Variants in ROBO2 observed in about 807,000 individuals in gnomAD.
ROBO2 encodes roundabout guidance receptor 2.
Under a neutral mutation model 160.8 loss-of-function variants are expected in ROBO2, and 53 were observed. The ratio of observed to expected loss-of-function variants is 0.33; its 90% CI spans 0.26 to 0.41. The LOEUF (loss-of-function observed/expected upper bound fraction) is 0.41. ROBO2 is among the 10% of genes least tolerant of loss of function. The probability of loss-of-function intolerance (pLI) is 1.00; values close to 1 mark genes in which losing one functional copy is unlikely to be tolerated. For synonymous variants in ROBO2, 664 were observed against 611.7 expected (o/e 1.09, Z -1.26); for missense variants, 1,577 against 1,722.4 (o/e 0.92, Z 1.49).
rs572888630 is a variant in ROBO2 at position 77,613,219 on chromosome 3, A to T, written c.3294-4294A>T. ...ATTTCTTCTAATATATTCTCTATGAATTTTTTTTTTTTTTAAATTTCATGT... is the reference window on the plus strand; with the variant it reads ...ATTTCTTCTAATATATTCTCTATGATTTTTTTTTTTTTTTAAATTTCATGT... On this transcript the variant is annotated intron_variant, in intron 21 of 25. Coordinates refer to ENST00000461745, the Ensembl canonical transcript of ROBO2. 3.6e-3 allele frequency among the ~76,000 whole-genome samples: 521 copies of T among 146,048 alleles called. 10 individuals are homozygous for T. Among genetic ancestry groups the T allele is most frequent in the South Asian group, 6.5e-4 (3 of 4,620 alleles).
At chr3:76,524,603 T>A (rs1342182623) in intron 2 of ROBO2, among the ~76,000 whole-genome samples, 1 of 151,684 alleles carries the variant, frequency 6.6e-6, no homozygotes, top group Non-Finnish European at 1.5e-5. Context: ...TCAGTTATCA[T>A]TTTTATTTAT....
Position 76,619,267 on chromosome 3 carries a change from G to A in ROBO2, c.110-478747G>A, listed in dbSNP as rs2088861850. ...AGGCAGGAGAATGGCGTGAACCCGG[G>A]AGGCGGAGCTTGCAGTGAGCCGAGA... is the stretch of plus-strand genomic sequence containing the variant. On this transcript the variant is annotated intron_variant, in intron 2 of 26. Transcript: ENST00000487694. 2.6e-5 allele frequency among the ~76,000 whole-genome samples: 4 copies of A among 151,258 alleles called. No homozygotes were observed. The South Asian group carries it at 8.4e-4, about 32-fold the overall frequency.
chr3:76,847,752 T>A (rs1193886850), intron 2 of ROBO2, among the ~76,000 whole-genome samples: 2 of 152,168 alleles, frequency 1.3e-5, no homozygotes, highest in Non-Finnish European at 1.5e-5. Context: ...GAAGAGATAA[T>A]AAAATTATCT....
intron 2 of ROBO2, among the ~76,000 whole-genome samples, chr3:76,791,280 G>A (rs981421100): frequency 6.6e-6 from 1 of 151,718 alleles, no homozygotes; most frequent in Non-Finnish European, 1.5e-5. Context: ...TTTACATGTG[G>A]TAGTGAGCCT....
chr3:76,689,242 T>G (rs1221923920), intron 2 of ROBO2, among the ~76,000 whole-genome samples: 1 of 152,110 alleles, frequency 6.6e-6, no homozygotes, highest in Admixed American at 6.6e-5. Flanking sequence ...TTGATTCATT[T>G]ACTAAACATT....
At position 77,019,344 on chromosome 3, in the gene ROBO2, C is replaced by A. The variant is rs1308242067; in HGVS notation, c.110-78670C>A. On this transcript the variant is annotated intron_variant, in intron 2 of 26. Transcript: ENST00000487694. Reference sequence around the variant, plus strand: ...CTCTGTGTGGCCTCTTTTATAAGGGCATTAATCCCATCCATAAGGCTTCCA... The same window carrying A: ...CTCTGTGTGGCCTCTTTTATAAGGGAATTAATCCCATCCATAAGGCTTCCA... Among the ~76,000 whole-genome samples the A allele has an allele frequency of 2.0e-5, 3 of 152,062 alleles. No homozygotes were observed. In the East Asian group the frequency reaches 5.8e-4, roughly 29 times the overall value.
At chr3:77,617,513 C>A (rs1296684352) in exon 22 of ROBO2, 1 of 1,613,938 alleles carries the variant, frequency 6.2e-7, no homozygotes, top group East Asian at 2.2e-5. Flanking sequence ...TTAATTTCAG[C>A]TATGACAGTG....
At chr3:76,809,572 C>T (rs746987235) in intron 2 of ROBO2, among the ~76,000 whole-genome samples, 25 of 152,138 alleles carry the variant, frequency 1.6e-4, no homozygotes, top group Non-Finnish European at 3.4e-4. Context: ...AGAGACAGCA[C>T]AAAGGTGCAA....
chr3:77,597,883 C>T lies in ROBO2; in HGVS notation c.2854+1133C>T, dbSNP rs146677926. ...GATAGATAACAAAGGACCTTTTAAG[C>T]CACATAGAGAATTTAGACTTCGTTC... On this transcript the variant is annotated intron_variant, in intron 19 of 25. Transcript: ENST00000461745. Among the ~76,000 whole-genome samples the T allele has an allele frequency of 1.6e-4, 25 of 152,158 alleles. No homozygotes were observed. In the East Asian group the frequency reaches 3.3e-3, roughly 20 times the overall value.
At chr3:77,464,224 G>A (rs554198939) in intron 2 of ROBO2, among the ~76,000 whole-genome samples, 1 of 152,244 alleles carries the variant, frequency 6.6e-6, no homozygotes, top group East Asian at 1.9e-4. Context: ...GCAGAACAGA[G>A]ACAACCGAGG....
chr3:76,452,347 C>G (rs1168224627), intron 2 of ROBO2, among the ~76,000 whole-genome samples: 1 of 152,030 alleles, frequency 6.6e-6, no homozygotes, highest in Non-Finnish European at 1.5e-5. Context: ...ACAACAGTCC[C>G]CAGAGTGTGA....
At chr3:76,797,081 A>G (rs914756820) in intron 2 of ROBO2, among the ~76,000 whole-genome samples, 4 of 152,158 alleles carry the variant, frequency 2.6e-5, no homozygotes, top group South Asian at 2.1e-4. Flanking sequence ...TCTAATCTGC[A>G]CTATAAATCA....
At chr3:77,218,783 AT>A (rs1418090126) in intron 2 of ROBO2, among the ~76,000 whole-genome samples, 1 of 152,186 alleles carries the variant, frequency 6.6e-6, no homozygotes, top group Non-Finnish European at 1.5e-5. Flanking sequence ...TGACTGACTA[AT>A]GCGTCTGACT....
chr3:76,410,314 A>AGGAC (rs2075422676), intron 2 of ROBO2, among the ~76,000 whole-genome samples: 1 of 152,134 alleles, frequency 6.6e-6, no homozygotes, highest in South Asian at 2.1e-4. Flanking sequence ...AGCACACAGC[A>AGGAC]GGACGGACGG....
intron 2 of ROBO2, among the ~76,000 whole-genome samples, chr3:76,943,801 C>T (rs9858491): frequency 0.49 from 74,598 of 151,864 alleles, 19,370 homozygotes; most frequent in African/African-American, 0.67. Flanking sequence ...TGTCTTACTG[C>T]GTGCCAAATA....
intron 1 of ROBO2, among the ~76,000 whole-genome samples, chr3:77,077,722 T>TAC: frequency 6.6e-6 from 1 of 152,370 alleles, no homozygotes. Context: ...TATTCATATA[T>TAC]ACACACAGGT....
At chr3:77,262,023 GA>G (rs2058809608) in intron 2 of ROBO2, among the ~76,000 whole-genome samples, 1 of 151,976 alleles carries the variant, frequency 6.6e-6, no homozygotes, top group Non-Finnish European at 1.5e-5. Flanking sequence ...CAAACTCTCT[GA>G]AAAATAGTGG....
chr3:76,654,402 A>C (rs2091397784), intron 2 of ROBO2, among the ~76,000 whole-genome samples: 1 of 152,202 alleles, frequency 6.6e-6, no homozygotes, highest in Admixed American at 6.5e-5. Flanking sequence ...ACTTGAAGAT[A>C]AGAATCTTGT....
chr3:77,086,687 A>G (rs939908214), intron 1 of ROBO2, among the ~76,000 whole-genome samples: 6 of 152,154 alleles, frequency 3.9e-5, no homozygotes, highest in African/African-American at 1.4e-4. Context: ...TTAGAAATGA[A>G]CAAGGCTAAA....
Sources: gnomAD v4.1 joint callset for allele counts (sites outside exome capture counted in the v4.1 genomes callset) on GRCh38, gnomAD v4.1.1 for gene constraint, MANE v1.5 for transcripts, NCBI Gene and HGNC (gene_info 2026-07-23, HGNC 2026-07-21) for gene names.